The following JAZF1 variants were observed in gnomAD, a reference collection of about 807,000 sequenced individuals.
JAZF1 encodes juxtaposed with another zinc finger protein 1.
Under a neutral mutation model 26.4 loss-of-function variants are expected in JAZF1, and 8 were observed. That is an observed-to-expected ratio of 0.30 (90% CI 0.18 to 0.55). JAZF1 has a LOEUF of 0.55. Ranked by LOEUF, JAZF1 falls within the 20% of genes least tolerant of loss-of-function variation. The probability of loss-of-function intolerance (pLI) is 0.94; values close to 1 mark genes in which losing one functional copy is unlikely to be tolerated. For missense variants in JAZF1, 199 were observed against 322.0 expected (o/e 0.62, Z 2.92); for synonymous variants, 126 against 122.3 (o/e 1.03, Z -0.20).
At chr7:27,852,645 G>T (rs1387073040) in intron 3 of JAZF1, among the ~76,000 whole-genome samples, 1 of 151,930 alleles carries the variant, frequency 6.6e-6, no homozygotes, top group Non-Finnish European at 1.5e-5. Flanking sequence ...AGAACTGTGG[G>T]GTCACTCACA....
intron 1 of JAZF1, among the ~76,000 whole-genome samples, chr7:28,173,880 T>TAAAAA (rs58075065): frequency 3.2e-5 from 3 of 93,146 alleles, no homozygotes; most frequent in African/African-American, 4.2e-5. Context: ...CAGCTAGCTT[T>TAAAAA]AAAAAAAAAA....
intron 2 of JAZF1, among the ~76,000 whole-genome samples, chr7:27,956,990 T>C (rs1247931233): frequency 6.6e-6 from 1 of 152,190 alleles, no homozygotes; most frequent in African/African-American, 2.4e-5. Flanking sequence ...AAAAATGAAG[T>C]GTGGTACCTC....
At chr7:28,126,265 T>C (rs1782691449) in intron 1 of JAZF1, among the ~76,000 whole-genome samples, 1 of 152,186 alleles carries the variant, frequency 6.6e-6, no homozygotes, top group Admixed American at 6.5e-5. Context: ...TGCCAGGCAA[T>C]GATCTTAGGG....
intron 2 of JAZF1, among the ~76,000 whole-genome samples, chr7:27,976,770 T>C (rs1411030257): frequency 2.0e-5 from 3 of 151,762 alleles, no homozygotes; most frequent in Admixed American, 6.6e-5. Flanking sequence ...ATTAAAAAAA[T>C]AGAAGGCCAG....
chr7:28,145,585 G>A (rs1783015161), intron 1 of JAZF1, among the ~76,000 whole-genome samples: 1 of 152,176 alleles, frequency 6.6e-6, no homozygotes, highest in Non-Finnish European at 1.5e-5. Flanking sequence ...AGCACAGAAA[G>A]TGACTGGAAG....
chr7:28,136,712 A>G (rs981700270), intron 1 of JAZF1, among the ~76,000 whole-genome samples: 1 of 152,192 alleles, frequency 6.6e-6, no homozygotes, highest in African/African-American at 2.4e-5. Flanking sequence ...TTAGGGAGAG[A>G]GACAGGAGGA....
At chr7:27,842,067 T>C (rs1258843706) in intron 3 of JAZF1, 2 of 152,168 alleles carry the variant, frequency 1.3e-5, no homozygotes, top group African/African-American at 4.8e-5. Context: ...TTGGGTTTCA[T>C]TTTAATAGGC....
intron 1 of JAZF1, among the ~76,000 whole-genome samples, chr7:28,144,739 A>G (rs1783000654): frequency 6.6e-6 from 1 of 152,254 alleles, no homozygotes; most frequent in African/African-American, 2.4e-5. Context: ...GCTCATTTAT[A>G]TTATACATGA....
chr7:27,986,038 T>C (rs528386058), intron 2 of JAZF1, among the ~76,000 whole-genome samples: 71 of 152,340 alleles, frequency 4.7e-4, no homozygotes, highest in African/African-American at 1.7e-3. Context: ...AAGCATTCCC[T>C]TTTAAGACTG....
At chr7:28,110,448 A>AAAAGGAAAGGAAAGGAAAGGAAAGG (rs147739964) in intron 1 of JAZF1, among the ~76,000 whole-genome samples, 1 of 64,040 alleles carries the variant, frequency 1.6e-5, no homozygotes, top group African/African-American at 5.8e-5. Flanking sequence ...GAGAGAGAGA[A>AAAAGGAAAGGAAAGGAAAGGAAAGG]AAAGGAAAGG....
intron 3 of JAZF1, among the ~76,000 whole-genome samples, chr7:27,872,319 T>C (rs192187645): frequency 1.7e-4 from 26 of 152,358 alleles, no homozygotes; most frequent in Admixed American, 1.0e-3. Flanking sequence ...GCAATTAAGC[T>C]GCAATGTTTT....
intron 2 of JAZF1, among the ~76,000 whole-genome samples, chr7:27,963,424 T>G (rs1785216651): frequency 6.6e-6 from 1 of 152,254 alleles, no homozygotes. Context: ...GCTTGTTCCC[T>G]ATGATTACTC....
chr7:28,089,299 T>C (rs1423952880), intron 1 of JAZF1, among the ~76,000 whole-genome samples: 6 of 152,204 alleles, frequency 3.9e-5, no homozygotes, highest in Non-Finnish European at 8.8e-5. Flanking sequence ...CTCTGCACTA[T>C]TTGAAGACAG....
intron 2 of JAZF1, among the ~76,000 whole-genome samples, chr7:27,978,296 A>C (rs1193871251): frequency 6.6e-6 from 1 of 152,228 alleles, no homozygotes. Flanking sequence ...TATACTCTTA[A>C]CCACTACATT....
At chr7:27,910,385 A>C (rs542693460) in intron 2 of JAZF1, among the ~76,000 whole-genome samples, 6 of 152,304 alleles carry the variant, frequency 3.9e-5, no homozygotes, top group South Asian at 4.1e-4. Flanking sequence ...TGTGTGTTTA[A>C]ATTTTTCAAG....
At chr7:28,003,249 A>G (rs1026523130) in intron 1 of JAZF1, among the ~76,000 whole-genome samples, 4 of 152,154 alleles carry the variant, frequency 2.6e-5, no homozygotes, top group Non-Finnish European at 5.9e-5. Flanking sequence ...CTCTTTAAAA[A>G]TGTATCATAC....
At chr7:28,036,973 C>G (rs1677342506) in intron 1 of JAZF1, among the ~76,000 whole-genome samples, 1 of 152,138 alleles carries the variant, frequency 6.6e-6, no homozygotes, top group Non-Finnish European at 1.5e-5. Flanking sequence ...CTAATGGGCA[C>G]AGTTCAGTGG....
intron 3 of JAZF1, among the ~76,000 whole-genome samples, chr7:27,875,683 C>G (rs1004435631): frequency 2.0e-5 from 3 of 152,224 alleles, no homozygotes; most frequent in Non-Finnish European, 2.9e-5. Flanking sequence ...CTGAGCTCGT[C>G]CCTATCAGAG....
At chr7:27,938,511 C>A (rs1283268991) in intron 2 of JAZF1, among the ~76,000 whole-genome samples, 2 of 152,216 alleles carry the variant, frequency 1.3e-5, no homozygotes, top group African/African-American at 4.8e-5. Flanking sequence ...GGTGCTACAG[C>A]CTTGGGCAAG....
Sources: allele counts gnomAD v4.1 joint callset (sites outside exome capture counted in the v4.1 genomes callset), GRCh38; gene constraint gnomAD v4.1.1; transcripts MANE v1.5; gene names NCBI Gene and HGNC (gene_info 2026-07-23, HGNC 2026-07-21).